The following PDIA6 variants were observed in gnomAD, a reference collection of about 807,000 sequenced individuals.
PDIA6 encodes the protein protein disulfide-isomerase A6.
In PDIA6, 29 loss-of-function variants were observed where a neutral mutation model predicts 58.4. The ratio of observed to expected loss-of-function variants is 0.50; its 90% confidence interval spans 0.37 to 0.68. The LOEUF (loss-of-function observed/expected upper bound fraction) is 0.68, where lower values mean the gene tolerates loss of function less well. Among genes scored for constraint, PDIA6 ranks in the 30% least tolerant of loss-of-function variants. The pLI is 0.00. For synonymous variants in PDIA6, 192 were observed against 202.6 expected, an observed-to-expected ratio of 0.95 and a Z score of 0.44; for missense variants, 480 against 551.0, an observed-to-expected ratio of 0.87 and a Z score of 1.29.
intron 1 of PDIA6, among the ~76,000 whole-genome samples, chr2:10,820,536 G>A (rs947283293): frequency 1.3e-5 from 2 of 152,150 alleles, no homozygotes; most frequent in African/African-American, 4.8e-5. Flanking sequence ...GCATTCCCCT[G>A]TGTAAGTTTC....
intron 2 of PDIA6, among the ~76,000 whole-genome samples, chr2:10,799,916 A>G (rs992487416): frequency 6.6e-6 from 1 of 152,082 alleles, no homozygotes; most frequent in African/African-American, 2.4e-5. Flanking sequence ...AAAAAAGAAA[A>G]AAAAAAAAAA....
chr2:10,807,487 G>A (rs936946651), intron 1 of PDIA6, among the ~76,000 whole-genome samples: 1 of 152,038 alleles, frequency 6.6e-6, no homozygotes, highest in African/African-American at 2.4e-5. Context: ...ACCACGCCAG[G>A]CCAAAATGTA....
chr2:10,788,657 C>G (rs752599519), intron 10 of PDIA6, 40 bp downstream of exon 10: 1 of 1,315,098 alleles, frequency 7.6e-7, no homozygotes, highest in Non-Finnish European at 1.1e-6. Context: ...CTATAATCAG[C>G]TGTTCAGATG....
upstream of PDIA6, among the ~76,000 whole-genome samples, chr2:10,836,918 G>A (rs1238710508): frequency 6.6e-6 from 1 of 152,176 alleles, no homozygotes; most frequent in Non-Finnish European, 1.5e-5. Context: ...CCTCTCTGAT[G>A]AGCTGTGTGA....
chr2:10,816,731 C>G (rs1342044689), upstream of PDIA6, among the ~76,000 whole-genome samples: 1 of 151,988 alleles, frequency 6.6e-6, no homozygotes, highest in East Asian at 1.9e-4. Flanking sequence ...TTTTGCTTCC[C>G]AAGATCAGAA....
At chr2:10,810,218 C>T in intron 1 of PDIA6, 2 of 1,264,200 alleles carry the variant, frequency 1.6e-6, no homozygotes, top group South Asian at 2.5e-5. Context: ...GACCAGGAAA[C>T]TTTAACACAG....
chr2:10,794,468 CT>C (rs76574229), intron 4 of PDIA6, among the ~76,000 whole-genome samples: 76 of 128,742 alleles, frequency 5.9e-4, no homozygotes, highest in Middle Eastern at 4.0e-3. Context: ...AAAAATCTTT[CT>C]TTTTTTTTTT....
upstream of PDIA6, among the ~76,000 whole-genome samples, chr2:10,835,465 G>C (rs1667813250): frequency 6.6e-6 from 1 of 152,276 alleles, no homozygotes; most frequent in South Asian, 2.1e-4. Flanking sequence ...CCCCAGCCTG[G>C]AGGTGACGAG....
intron 1 of PDIA6, among the ~76,000 whole-genome samples, chr2:10,809,998 G>C (rs1175302892): frequency 6.6e-6 from 1 of 151,878 alleles, no homozygotes; most frequent in African/African-American, 2.4e-5. Flanking sequence ...ACTGTTTCAA[G>C]AGAAATTCTT....
chr2:10,826,099 G>A (rs1443272529), intron 1 of PDIA6, among the ~76,000 whole-genome samples: 3 of 152,198 alleles, frequency 2.0e-5, no homozygotes, highest in Non-Finnish European at 2.9e-5. Flanking sequence ...ATGGATGAAC[G>A]AAAAGTGCCA....
intron 8 of PDIA6, 21 bp downstream of exon 8, chr2:10,789,728 C>T: frequency 5.0e-6 from 8 of 1,609,864 alleles, no homozygotes; most frequent in African/African-American, 1.3e-5. Flanking sequence ...TTCTGGACTA[C>T]AAGCAGTTGA....
Position 10,788,682 on chromosome 2 carries a change from A to G in PDIA6, c.998+15T>C, listed in dbSNP as rs1665894715. ...CTGTTCAGATGACACTCAGACAGTA[A>G]GCTCAGTAACTTACCCCCACATTTT... On this transcript the variant is annotated intron_variant, in intron 10 of 12. Coordinates refer to ENST00000272227, the MANE Select transcript of PDIA6 (RefSeq NM_005742.4). The G allele has an allele frequency of 1.3e-6, 2 of 1,572,530 alleles. No homozygotes were observed. The highest frequency in any genetic ancestry group is 1.8e-6 in the Non-Finnish European group (2 of 1,142,064).
In PDIA6 at chr2:10,802,488, A is replaced by C. The variant is rs771730808; in HGVS notation, c.161+11T>G. The C allele has an allele frequency of 7.5e-7, 1 of 1,340,746 alleles. No individual in the cohort carries two copies. Among genetic ancestry groups the C allele is most frequent in the Non-Finnish European group, 9.7e-7 (1 of 1,030,468 alleles). The allele number at this position is 1,340,746 out of a possible 1,614,324, so 83.1% of individuals were successfully genotyped here. On this transcript the variant is annotated intron_variant, in intron 2 of 12. Transcript: ENST00000272227. The stretch of plus-strand genomic sequence containing the variant: ...ACTATAAATAATCTACAACTATTTT[A>C]TAATACTTACCATGGAGCATAGAAT...
intron 1 of PDIA6, among the ~76,000 whole-genome samples, chr2:10,811,135 A>T (rs946945123): frequency 3.9e-5 from 6 of 152,234 alleles, no homozygotes; most frequent in Admixed American, 2.6e-4. Flanking sequence ...GGACTCTTTC[A>T]GGGTCTAGTC....
intron 1 of PDIA6, among the ~76,000 whole-genome samples, chr2:10,804,578 T>C (rs1024457417): frequency 7.6e-6 from 1 of 131,984 alleles, no homozygotes; most frequent in African/African-American, 2.6e-5. Context: ...ACTGTAGCCT[T>C]GTAGTATAGT....
chr2:10,796,401 G>A (rs1316158653), intron 4 of PDIA6, among the ~76,000 whole-genome samples: 6 of 151,758 alleles, frequency 4.0e-5, no homozygotes. Flanking sequence ...TAAGAGTGTG[G>A]TGCCTGTAAT....
chr2:10,792,552 C>G (rs760074017), intron 5 of PDIA6, among the ~76,000 whole-genome samples: 4 of 152,068 alleles, frequency 2.6e-5, no homozygotes, highest in African/African-American at 9.7e-5. Flanking sequence ...AAGTAAAAGC[C>G]CATTTAATAT....
upstream of PDIA6, among the ~76,000 whole-genome samples, chr2:10,833,226 C>T (rs1051812912): frequency 2.6e-5 from 4 of 152,208 alleles, no homozygotes; most frequent in African/African-American, 7.2e-5. Flanking sequence ...TCTAGTCTCA[C>T]TTTGGCCAGG....
intron 2 of PDIA6, among the ~76,000 whole-genome samples, chr2:10,798,572 CCAAAA>C (rs1260302707): frequency 9.3e-5 from 9 of 97,082 alleles, no homozygotes; most frequent in South Asian, 6.1e-4. Flanking sequence ...TGTCCCCCAC[CCAAAA>C]AAAAAAAAAA....
Sources: gnomAD v4.1 joint callset for allele counts (sites outside exome capture counted in the v4.1 genomes callset) on GRCh38, gnomAD v4.1.1 for gene constraint, MANE v1.5 for transcripts, NCBI Gene and HGNC (gene_info 2026-07-23, HGNC 2026-07-21) for gene names.